GALNT13: variants seen among roughly 807,000 people sequenced by gnomAD.
GALNT13 encodes the protein polypeptide N-acetylgalactosaminyltransferase 13.
GALNT13 carries 28 observed loss-of-function variants against 64.2 expected under a neutral mutation model. That is an observed-to-expected ratio of 0.44 (90% CI 0.32 to 0.60). The LOEUF is 0.60. GALNT13 is among the 20% of genes least tolerant of loss of function. GALNT13 has a pLI of 0.05. For synonymous variants in GALNT13, 214 were observed against 224.6 expected (o/e 0.95, Z 0.42); for missense variants, 577 against 669.8 (o/e 0.86, Z 1.53).
At chr2:153,652,972 A>G in the GALNT13 span, among the ~76,000 whole-genome samples, 10 of 152,256 alleles carry the variant, frequency 6.6e-5, no homozygotes, top group African/African-American at 2.4e-4. Context: ...AGATATATAT[A>G]CATATATATG....
the GALNT13 span, among the ~76,000 whole-genome samples, chr2:153,254,477 G>T: frequency 6.6e-6 from 1 of 152,002 alleles, no homozygotes; most frequent in Non-Finnish European, 1.5e-5. Context: ...CTTCAGTTCT[G>T]CTCTGATTTT....
At chr2:154,400,461 C>A (rs1699251583) in intron 10 of GALNT13, among the ~76,000 whole-genome samples, 1 of 152,130 alleles carries the variant, frequency 6.6e-6, no homozygotes, top group East Asian at 1.9e-4. Flanking sequence ...GTTTCCTTGT[C>A]AATTTCCTTT....
At chr2:153,352,162 T>C in the GALNT13 span, among the ~76,000 whole-genome samples, 4 of 152,154 alleles carry the variant, frequency 2.6e-5, no homozygotes, top group African/African-American at 2.4e-5. Context: ...CTAATAGGTA[T>C]ATAATATCTC....
At chr2:153,533,305 G>A in the GALNT13 span, among the ~76,000 whole-genome samples, 182 of 152,184 alleles carry the variant, frequency 1.2e-3, no homozygotes, top group African/African-American at 4.2e-3. Flanking sequence ...AGCCTGGAGT[G>A]CAGTGGCTTG....
chr2:153,467,296 C>T, the GALNT13 span, among the ~76,000 whole-genome samples: 1 of 151,986 alleles, frequency 6.6e-6, no homozygotes, highest in Non-Finnish European at 1.5e-5. Flanking sequence ...CTCTTAGAGC[C>T]ATTTGCTACT....
intron 4 of GALNT13, among the ~76,000 whole-genome samples, chr2:154,212,557 T>A (rs1311073790): frequency 1.3e-5 from 2 of 152,086 alleles, no homozygotes; most frequent in African/African-American, 4.8e-5. Flanking sequence ...GCAATTTAAA[T>A]GTACATTCTT....
chr2:154,099,119 G>T (rs1460248063), intron 3 of GALNT13, among the ~76,000 whole-genome samples: 1 of 152,020 alleles, frequency 6.6e-6, no homozygotes, highest in East Asian at 1.9e-4. Context: ...TGTTCTGACT[G>T]GTGTAATATG....
At chr2:153,284,214 C>G in the GALNT13 span, among the ~76,000 whole-genome samples, 2 of 152,160 alleles carry the variant, frequency 1.3e-5, no homozygotes, top group African/African-American at 4.8e-5. Context: ...TACACACACA[C>G]AGACCTGTTC....
chr2:153,400,252 G>A, the GALNT13 span, among the ~76,000 whole-genome samples: 3 of 151,894 alleles, frequency 2.0e-5, no homozygotes, highest in Non-Finnish European at 2.9e-5. Context: ...TATTGAACCA[G>A]CCTTGCATCC....
chr2:154,001,547 G>A (rs1018440885), intron 3 of GALNT13, among the ~76,000 whole-genome samples: 17 of 151,772 alleles, frequency 1.1e-4, no homozygotes, highest in African/African-American at 2.7e-4. Flanking sequence ...AAACTGAAAC[G>A]CAATCTACAG....
chr2:153,727,034 A>C, the GALNT13 span, among the ~76,000 whole-genome samples: 1 of 152,140 alleles, frequency 6.6e-6, no homozygotes, highest in Admixed American at 6.5e-5. Flanking sequence ...TTGGGTCCAA[A>C]CTGCTGATCT....
chr2:153,576,789 T>C, the GALNT13 span, among the ~76,000 whole-genome samples: 1 of 152,084 alleles, frequency 6.6e-6, no homozygotes, highest in Non-Finnish European at 1.5e-5. Context: ...GGTGCGGGGG[T>C]TACAATTAAT....
At chr2:153,393,498 T>A in the GALNT13 span, among the ~76,000 whole-genome samples, 4 of 152,026 alleles carry the variant, frequency 2.6e-5, no homozygotes, top group Non-Finnish European at 5.9e-5. Context: ...AATAATAAGG[T>A]ATATTAATGT....
At chr2:153,937,627 T>C (rs1691034893) in intron 2 of GALNT13, among the ~76,000 whole-genome samples, 1 of 152,180 alleles carries the variant, frequency 6.6e-6, no homozygotes, top group African/African-American at 2.4e-5. Flanking sequence ...GATATATGAA[T>C]TATATCTCAA....
At chr2:153,656,702 A>G in the GALNT13 span, among the ~76,000 whole-genome samples, 2 of 152,126 alleles carry the variant, frequency 1.3e-5, no homozygotes, top group Non-Finnish European at 2.9e-5. Context: ...TTTAGGGAAA[A>G]GAAATGTCAA....
At chr2:153,211,402 C>T in the GALNT13 span, among the ~76,000 whole-genome samples, 1 of 152,122 alleles carries the variant, frequency 6.6e-6, no homozygotes, top group African/African-American at 2.4e-5. Context: ...CTTGGCTTCC[C>T]AAAGTGCTAG....
chr2:154,235,782 TTA>T (rs2105856446), intron 4 of GALNT13, among the ~76,000 whole-genome samples: 1 of 152,280 alleles, frequency 6.6e-6, no homozygotes, highest in South Asian at 2.1e-4. Flanking sequence ...CATTCTCATC[TTA>T]TAGTCAATTT....
the GALNT13 span, among the ~76,000 whole-genome samples, chr2:153,479,640 G>T: frequency 2.0e-5 from 3 of 152,160 alleles, no homozygotes; most frequent in African/African-American, 7.2e-5. Context: ...TTGTCCGTTG[G>T]CAGTAAATCA....
chr2:153,844,705 G>T, the GALNT13 span, among the ~76,000 whole-genome samples: 8 of 152,292 alleles, frequency 5.3e-5, no homozygotes, highest in East Asian at 1.5e-3. Flanking sequence ...TCTGCTTCCT[G>T]TTTAAACATA....
Sources: gnomAD v4.1 joint callset for allele counts (sites outside exome capture counted in the v4.1 genomes callset) on GRCh38, gnomAD v4.1.1 for gene constraint, MANE v1.5 for transcripts, NCBI Gene and HGNC (gene_info 2026-07-23, HGNC 2026-07-21) for gene names.